CORO2B: variants seen among roughly 807,000 people sequenced by gnomAD.
The protein encoded by CORO2B is coronin-2B.
Under a neutral mutation model 58.8 loss-of-function variants are expected in CORO2B, and 26 were observed. The ratio of observed to expected loss-of-function variants is 0.44; its 90% CI spans 0.32 to 0.61. The LOEUF (loss-of-function observed/expected upper bound fraction) is 0.61, where lower values mean the gene tolerates loss of function less well. Ranked by LOEUF, CORO2B falls within the 20% of genes least tolerant of loss-of-function variation. The pLI is 0.04. For synonymous variants in CORO2B, 242 were observed against 253.8 expected, an observed-to-expected ratio of 0.95 and a Z score of 0.44; for missense variants, 460 against 645.1, an observed-to-expected ratio of 0.71 and a Z score of 3.11.
At position 68,579,233 on chromosome 15, in the gene CORO2B, C is replaced by T. The variant is rs1221189540; in HGVS notation, c.-30C>T. 8.0e-6 allele frequency: 9 copies of T among 1,129,124 alleles called. No individual in the cohort carries two copies. The South Asian group carries it at 2.3e-4, about 28-fold the overall frequency. The allele number at this position is 1,129,124 out of a possible 1,614,324, so 69.9% of individuals were successfully genotyped here. On this transcript the variant is annotated 5_prime_UTR_variant, in exon 1 of 12. Transcript: ENST00000261861. ...CGCCGCCGCCCCCGCACGCCGCGCC[C>T]GCGCCCCCGCTCCGCCGCGGAGTTT...
At chr15:68,531,454 G>A in the CORO2B span, among the ~76,000 whole-genome samples, 3 of 151,282 alleles carry the variant, frequency 2.0e-5, no homozygotes, top group African/African-American at 4.9e-5. Context: ...CCGAGATCAT[G>A]CCGCTGCACT....
At chr15:68,654,733 C>T (rs542005629) in intron 2 of CORO2B, among the ~76,000 whole-genome samples, 1 of 152,350 alleles carries the variant, frequency 6.6e-6, no homozygotes, top group Non-Finnish European at 1.5e-5. Flanking sequence ...GCCCATAGTA[C>T]GTGCTAGTAA....
chr15:68,669,211 C>CAAG lies in CORO2B; in HGVS notation c.216+23851_216+23852insAAG, dbSNP rs60620349. ...GGAAGCAAGCAAGCAAGCAAGCAAG[C>CAAG]CGGAGACAGGACTCGGCCTTGAGAA... On this transcript the variant is annotated intron_variant, in intron 2 of 11. Transcript: ENST00000261861. Among the ~76,000 whole-genome samples, 49 of 152,084 alleles carry CAAG rather than the reference C, an allele frequency of 3.2e-4. 1 individual carries two copies. The highest frequency in any genetic ancestry group is 1.2e-3 in the African/African-American group (48 of 41,516).
chr15:68,661,833 C>T (rs2140287231), intron 2 of CORO2B, among the ~76,000 whole-genome samples: 1 of 152,170 alleles, frequency 6.6e-6, no homozygotes, highest in East Asian at 1.9e-4. Flanking sequence ...ATGGCAAAAC[C>T]CCATCTCTAC....
At chr15:68,605,505 G>A (rs550558101) in intron 1 of CORO2B, among the ~76,000 whole-genome samples, 28 of 152,324 alleles carry the variant, frequency 1.8e-4, no homozygotes, top group African/African-American at 6.3e-4. Flanking sequence ...TTCTGCAGCC[G>A]TTAAAAATTA....
upstream of CORO2B, among the ~76,000 whole-genome samples, chr15:68,575,084 T>C (rs1899254649): frequency 6.6e-6 from 1 of 152,182 alleles, no homozygotes; most frequent in Non-Finnish European, 1.5e-5. Context: ...CCCACCTCCA[T>C]AAGAACCAGG....
intron 1 of CORO2B, among the ~76,000 whole-genome samples, chr15:68,627,825 C>G (rs2140257237): frequency 6.6e-6 from 1 of 152,236 alleles, no homozygotes; most frequent in Admixed American, 6.5e-5. Flanking sequence ...CCCCTTCCTG[C>G]CCCGCACACC....
intron 1 of CORO2B, among the ~76,000 whole-genome samples, chr15:68,634,203 G>T (rs1244819425): frequency 1.3e-5 from 2 of 152,228 alleles, no homozygotes; most frequent in Non-Finnish European, 2.9e-5. Flanking sequence ...GAAGTCCTGG[G>T]TTTAACTCCA....
Position 68,645,070 on chromosome 15 carries a change from G to A in CORO2B, c.16-90G>A. The A allele has an allele frequency of 3.6e-6, 5 of 1,375,304 alleles. No homozygotes were observed. Among genetic ancestry groups the A allele is most frequent in the Non-Finnish European group, 4.0e-6 (4 of 999,718 alleles). The allele number at this position is 1,375,304 out of a possible 1,614,324, so 85.2% of individuals were successfully genotyped here. Reference sequence around the variant, plus strand: ...GGGCCTGCTCACCTGCTGCACCTCTGAGCCGCAGCTTCCCTCCCCCAAGAG... The same window carrying A: ...GGGCCTGCTCACCTGCTGCACCTCTAAGCCGCAGCTTCCCTCCCCCAAGAG... On this transcript the variant is annotated intron_variant, in intron 1 of 11. Coordinates refer to ENST00000261861, the MANE Select transcript of CORO2B (RefSeq NM_006091.5). This position sits in a 1 kb window ranked among gnomAD's most constrained non-coding sequence, Gnocchi z 4.5.
In CORO2B at chr15:68,726,176, A is replaced by G. The variant is rs1414059108; in HGVS notation, c.*202A>G. The G allele has an allele frequency of 3.3e-6, 2 of 614,076 alleles. No individual in the cohort carries two copies. The highest frequency in any genetic ancestry group is 7.0e-5 in the East Asian group (2 of 28,442). 38.0% of individuals were successfully genotyped at this position (614,076 alleles called of 1,614,324 possible). A position where few individuals can be genotyped will look rare whatever the true frequency, so the allele number is the denominator to read the frequency against. Reference sequence around the variant, plus strand: ...TAATAAAAGTCCCCAGCTTCTGGAGACCCCCTGCCGGCAGCCCCTTTCCCT... The same window carrying G: ...TAATAAAAGTCCCCAGCTTCTGGAGGCCCCCTGCCGGCAGCCCCTTTCCCT... On this transcript the variant is annotated 3_prime_UTR_variant, in exon 12 of 12. Transcript: ENST00000261861.
At chr15:68,641,458 C>A in intron 1 of CORO2B, 1 of 877,516 alleles carries the variant, frequency 1.1e-6, no homozygotes, top group Non-Finnish European at 1.4e-6. Context: ...GAAAGAAGGG[C>A]AGAGAGTGGG....
chr15:68,690,793 G>C (rs1385227938), intron 2 of CORO2B, among the ~76,000 whole-genome samples: 1 of 151,552 alleles, frequency 6.6e-6, no homozygotes, highest in Admixed American at 6.6e-5. Context: ...GGGACTCTAG[G>C]TGTGTGCCAC....
chr15:68,634,408 T>C (rs1900963291), intron 1 of CORO2B, among the ~76,000 whole-genome samples: 1 of 152,206 alleles, frequency 6.6e-6, no homozygotes, highest in African/African-American at 2.4e-5. Flanking sequence ...TGTTGAGCAG[T>C]CACAGTTAGC....
At position 68,579,123 on chromosome 15, in the gene CORO2B, C is replaced by T. The variant is rs879094219; in HGVS notation, c.-140C>T. On this transcript the variant is annotated 5_prime_UTR_variant, in exon 1 of 12. Coordinates refer to ENST00000261861, the MANE Select transcript of CORO2B (RefSeq NM_006091.5). ...TGCGCGCTGCCCGCCCGGAGCGCAG[C>T]CCCCAGGCTCGGCCGAGCCGCCGGC... The T allele has an allele frequency of 5.1e-6, 5 of 982,130 alleles. No individual in the cohort carries two copies. In the South Asian group the frequency reaches 1.4e-4, roughly 27 times the overall value. The allele number at this position is 982,130 out of a possible 1,614,324, so 60.8% of individuals were successfully genotyped here.
rs1267189385 is a variant in CORO2B at position 68,726,318 on chromosome 15, G to C, written c.*344G>C. 7.9e-5 allele frequency: 25 copies of C among 318,398 alleles called. No individual in the cohort carries two copies. The highest frequency in any genetic ancestry group is 1.0e-4 in the Non-Finnish European group (17 of 169,706). 19.7% of individuals were successfully genotyped at this position (318,398 alleles called of 1,614,324 possible). On this transcript the variant is annotated 3_prime_UTR_variant, in exon 12 of 12. Coordinates refer to ENST00000261861, the MANE Select transcript of CORO2B (RefSeq NM_006091.5). The stretch of plus-strand genomic sequence containing the variant: ...AAGAGGGGAAGCGGGATCCCAGCTA[G>C]ACTTAGAACTTGGACTTTTCCCCTG...
the CORO2B span, among the ~76,000 whole-genome samples, chr15:68,566,452 G>A: frequency 6.6e-6 from 1 of 152,212 alleles, no homozygotes. Flanking sequence ...CTTAAAATCG[G>A]GTCTCTGAGC....
At chr15:68,567,521 A>C in the CORO2B span, among the ~76,000 whole-genome samples, 10 of 152,164 alleles carry the variant, frequency 6.6e-5, no homozygotes, top group African/African-American at 2.4e-4. Flanking sequence ...GTCTCTGCTG[A>C]TAAGAGCTAT....
chr15:68,704,567 C>T (rs4777083), intron 3 of CORO2B, among the ~76,000 whole-genome samples: 141,163 of 152,168 alleles, frequency 0.93, 65,774 homozygotes, highest in East Asian at 1. Flanking sequence ...CCCTCTCCCA[C>T]GTGCAGGGAC....
chr15:68,667,608 G>A (rs1052754582), intron 2 of CORO2B, among the ~76,000 whole-genome samples: 27 of 152,340 alleles, frequency 1.8e-4, no homozygotes, highest in Admixed American at 9.8e-4. Context: ...AAAACCCTGC[G>A]TGAGGAGTGG....
Sources: gnomAD v4.1 joint callset for allele counts (sites outside exome capture counted in the v4.1 genomes callset) on GRCh38, gnomAD v4.1.1 for gene constraint, Gnocchi (gnomAD v3.1) non-coding constraint, MANE v1.5 for transcripts, NCBI Gene and HGNC (gene_info 2026-07-23, HGNC 2026-07-21) for gene names.